The following NRXN1 variants were observed in gnomAD, a reference collection of about 807,000 sequenced individuals.
NRXN1 encodes neurexin-1.
In NRXN1, 39 loss-of-function variants were observed where a neutral mutation model predicts 150.9. The observed-to-expected ratio is 0.26, with a 90% confidence interval of 0.20 to 0.34. The LOEUF is 0.34. Ranked by LOEUF, NRXN1 falls within the 10% of genes least tolerant of loss-of-function variation. NRXN1 has a pLI of 1.00. For missense variants in NRXN1, 1,815 were observed against 1,949.9 expected (o/e 0.93, Z 1.30); for synonymous variants, 924 against 757.0 (o/e 1.22, Z -3.62).
Position 50,808,032 on chromosome 2 carries a change from C to T in NRXN1, c.832+113837G>A, listed in dbSNP as rs1022436184. ...ACTTGCATTTTGGGGTGTGTTTATA[C>T]TACCTAGAATGTTAACCCTTATTGT... On this transcript the variant is annotated intron_variant, in intron 5 of 22. Transcript: ENST00000401669. 2.0e-5 allele frequency among the ~76,000 whole-genome samples: 3 copies of T among 152,054 alleles called. No individual in the cohort carries two copies. The East Asian group carries it at 5.8e-4, about 29-fold the overall frequency.
intron 18 of NRXN1, among the ~76,000 whole-genome samples, chr2:50,156,924 A>T (rs893491480): frequency 2.0e-5 from 3 of 152,042 alleles, no homozygotes; most frequent in African/African-American, 7.2e-5. Flanking sequence ...TACCACACAA[A>T]TGCTAAAAGA....
At chr2:49,985,660 G>A (rs1442195614) in intron 21 of NRXN1, among the ~76,000 whole-genome samples, 3 of 152,150 alleles carry the variant, frequency 2.0e-5, no homozygotes, top group South Asian at 2.1e-4. Context: ...TGACAAGCAA[G>A]ACAAATGGAG....
rs201506629 is a variant in NRXN1, at chr2:50,620,228, A to G, written c.1159-45T>C. The G allele has an allele frequency of 1.2e-4, 188 of 1,580,950 alleles. 1 individual carries two copies. Among genetic ancestry groups the G allele is most frequent in the Non-Finnish European group, 1.6e-4 (183 of 1,157,066 alleles). On this transcript the variant is annotated intron_variant, in intron 7 of 22. Transcript: ENST00000401669. ...GAAAGGACACGCTATACTCAGACCT[A>G]GATACTGTAATCCTGGGATATGCCT...
At chr2:50,124,302 G>C (rs1258276599) in intron 18 of NRXN1, among the ~76,000 whole-genome samples, 1 of 152,110 alleles carries the variant, frequency 6.6e-6, no homozygotes, top group Non-Finnish European at 1.5e-5. Context: ...TTAAATTCTA[G>C]ACTCCTGGTA....
At chr2:50,315,391 G>C (rs1410662088) in intron 17 of NRXN1, among the ~76,000 whole-genome samples, 3 of 152,112 alleles carry the variant, frequency 2.0e-5, no homozygotes, top group African/African-American at 7.2e-5. Flanking sequence ...TAGAAGGATG[G>C]AACATAGCAG....
chr2:50,703,665 T>C (rs542640746), intron 5 of NRXN1, among the ~76,000 whole-genome samples: 19 of 152,296 alleles, frequency 1.2e-4, no homozygotes, highest in Middle Eastern at 6.8e-3. Context: ...AGTAATTTAA[T>C]AGCAACTTAA....
At chr2:50,741,136 GTCC>G (rs1205433621) in intron 5 of NRXN1, among the ~76,000 whole-genome samples, 1 of 151,910 alleles carries the variant, frequency 6.6e-6, no homozygotes, top group Non-Finnish European at 1.5e-5. Flanking sequence ...GATCAAAATT[GTCC>G]TCATTATCTT....
chr2:50,596,334 T>C (rs1675194325), intron 8 of NRXN1, among the ~76,000 whole-genome samples: 1 of 152,226 alleles, frequency 6.6e-6, no homozygotes, highest in African/African-American at 2.4e-5. Context: ...ATAATAGTTG[T>C]CTACATCATT....
intron 5 of NRXN1, among the ~76,000 whole-genome samples, chr2:50,777,803 G>T (rs1703847516): frequency 1.3e-5 from 2 of 152,128 alleles, no homozygotes; most frequent in African/African-American, 2.4e-5. Context: ...TGAGAATTAG[G>T]CCTTGGGCAA....
rs929589488 is a variant in NRXN1 at position 50,699,699 on chromosome 2, G to A, written c.833-76084C>T. On this transcript the variant is annotated intron_variant, in intron 5 of 22. Transcript: ENST00000401669. ...ATGGCTTGAAGCAGACTTAGCCTCA[G>A]AACTTCCAGAAAGGAACATGGCCCT... Among the ~76,000 whole-genome samples the A allele has an allele frequency of 2.0e-5, 3 of 152,184 alleles. No individual in the cohort carries two copies. In the East Asian group the frequency reaches 5.8e-4, roughly 30 times the overall value.
At chr2:50,107,135 G>A (rs1558892223) in intron 18 of NRXN1, among the ~76,000 whole-genome samples, 1 of 151,922 alleles carries the variant, frequency 6.6e-6, no homozygotes, top group Non-Finnish European at 1.5e-5. Context: ...GAGCCTTGCG[G>A]CATTCCACAT....
At chr2:50,506,687 G>C in intron 12 of NRXN1, 70 bp from the exon 13 acceptor site, 12 of 1,520,468 alleles carry the variant, frequency 7.9e-6, no homozygotes, top group Non-Finnish European at 1.1e-5. Flanking sequence ...CACAGAGAGT[G>C]AGAGAAAGAG....
chr2:50,255,017 AGGCTAGTCTTGAATTCCTG>A (rs1303535396), intron 17 of NRXN1, among the ~76,000 whole-genome samples: 1 of 152,042 alleles, frequency 6.6e-6, no homozygotes, highest in Non-Finnish European at 1.5e-5. Context: ...CATGTTACCT[AGGCTAGTCTTGAATTCCTG>A]GGCTCAAGCG....
chr2:50,132,479 A>G (rs1209734996), intron 18 of NRXN1, among the ~76,000 whole-genome samples: 1 of 151,556 alleles, frequency 6.6e-6, no homozygotes, highest in Non-Finnish European at 1.5e-5. Context: ...CTAATTTTTT[A>G]TATTTTTAGT....
intron 5 of NRXN1, among the ~76,000 whole-genome samples, chr2:50,828,154 G>T (rs1670756944): frequency 2.0e-5 from 3 of 151,690 alleles, no homozygotes; most frequent in Non-Finnish European, 4.4e-5. Context: ...GCCGGGCAGA[G>T]GGGCTCCTCA....
At chr2:50,074,958 C>T (rs141325615) in intron 19 of NRXN1, among the ~76,000 whole-genome samples, 2 of 152,220 alleles carry the variant, frequency 1.3e-5, no homozygotes, top group African/African-American at 2.4e-5. Flanking sequence ...ATACATACAA[C>T]GGTAAAGTTC....
At chr2:50,231,508 T>A (rs1468261516) in intron 18 of NRXN1, among the ~76,000 whole-genome samples, 3 of 152,020 alleles carry the variant, frequency 2.0e-5, no homozygotes, top group Non-Finnish European at 2.9e-5. Flanking sequence ...CAAAATCAAT[T>A]AAGAGCTTGG....
intron 5 of NRXN1, among the ~76,000 whole-genome samples, chr2:50,910,795 A>G (rs1293180119): frequency 6.6e-6 from 1 of 151,932 alleles, no homozygotes. Context: ...ATATACTGCT[A>G]ACAGCTAATC....
intron 12 of NRXN1, among the ~76,000 whole-genome samples, chr2:50,511,136 C>G (rs72880025): frequency 0.18 from 27,309 of 151,896 alleles, 3,441 homozygotes; most frequent in East Asian, 0.39. Flanking sequence ...TCTCGGCTCA[C>G]TGCAACCTCT....
Sources: gnomAD v4.1 joint callset for allele counts (sites outside exome capture counted in the v4.1 genomes callset) on GRCh38, gnomAD v4.1.1 for gene constraint, MANE v1.5 for transcripts, NCBI Gene and HGNC (gene_info 2026-07-23, HGNC 2026-07-21) for gene names.